Variants in CSMD3 observed in about 807,000 individuals in gnomAD.
CSMD3 encodes the protein CUB and Sushi multiple domains 3.
Under a neutral mutation model 435.2 loss-of-function variants are expected in CSMD3, and 177 were observed. That is an observed-to-expected ratio of 0.41 (90% confidence interval 0.36 to 0.46). CSMD3 has a LOEUF of 0.46. Among genes scored for constraint, CSMD3 ranks in the 20% least tolerant of loss-of-function variants. The pLI, the probability that CSMD3 is intolerant of heterozygous loss-of-function variation, is 0.34. For missense variants in CSMD3, 4,265 were observed against 4,504.6 expected, an observed-to-expected ratio of 0.95 and a Z score of 1.52; for synonymous variants, 1,656 against 1,520.5, an observed-to-expected ratio of 1.09 and a Z score of -2.07.
At chr8:112,711,710 A>G (rs2076613407) in intron 13 of CSMD3, among the ~76,000 whole-genome samples, 2 of 152,148 alleles carry the variant, frequency 1.3e-5, no homozygotes, top group Admixed American at 1.3e-4. Flanking sequence ...AAACAAAAAT[A>G]CAATTTGTAT....
intron 13 of CSMD3, among the ~76,000 whole-genome samples, chr8:112,692,229 T>C (rs1025277465): frequency 1.3e-5 from 2 of 152,092 alleles, no homozygotes; most frequent in African/African-American, 4.8e-5. Context: ...TCTTAGAACT[T>C]TTTTAGTATA....
chr8:112,639,682 A>G (rs2074765468), intron 20 of CSMD3, among the ~76,000 whole-genome samples: 1 of 152,112 alleles, frequency 6.6e-6, no homozygotes, highest in Non-Finnish European at 1.5e-5. Context: ...GGAATCATAT[A>G]TACTCTTTTG....
At chr8:112,825,493 G>A (rs1226644462) in intron 12 of CSMD3, among the ~76,000 whole-genome samples, 1 of 152,156 alleles carries the variant, frequency 6.6e-6, no homozygotes. Flanking sequence ...CTGACCCTCA[G>A]ATGGGGTTTC....
intron 1 of CSMD3, among the ~76,000 whole-genome samples, chr8:113,376,400 T>C (rs1483967409): frequency 1.3e-5 from 2 of 152,188 alleles, no homozygotes; most frequent in Admixed American, 1.3e-4. Flanking sequence ...TAGTAATTCA[T>C]ATTTTGATTC....
intron 5 of CSMD3, among the ~76,000 whole-genome samples, chr8:113,087,942 AT>A (rs1270745464): frequency 1.8e-3 from 267 of 151,752 alleles, no homozygotes; most frequent in East Asian, 0.011. Context: ...ATGGGAGAAA[AT>A]TTTCGCAACC....
At chr8:113,130,983 AG>A (rs1291659102) in intron 4 of CSMD3, among the ~76,000 whole-genome samples, 1 of 152,166 alleles carries the variant, frequency 6.6e-6, no homozygotes, top group African/African-American at 2.4e-5. Flanking sequence ...GAGATGTTTT[AG>A]GGTATCTGGA....
chr8:112,962,922 A>T (rs1351151456), intron 7 of CSMD3, among the ~76,000 whole-genome samples: 1 of 151,938 alleles, frequency 6.6e-6, no homozygotes, highest in Non-Finnish European at 1.5e-5. Flanking sequence ...TTGTTAGAAA[A>T]GCAGAATATA....
intron 13 of CSMD3, among the ~76,000 whole-genome samples, chr8:112,717,330 C>T (rs2076756204): frequency 6.6e-6 from 1 of 152,136 alleles, no homozygotes; most frequent in Non-Finnish European, 1.5e-5. Flanking sequence ...CTCAACATCA[C>T]TGCTCATTAG....
chr8:112,601,034 A>G (rs866416742), intron 22 of CSMD3, among the ~76,000 whole-genome samples: 1 of 152,100 alleles, frequency 6.6e-6, no homozygotes, highest in Non-Finnish European at 1.5e-5. Flanking sequence ...ATTCAATAAC[A>G]AGGAGGTAGG....
intron 20 of CSMD3, among the ~76,000 whole-genome samples, chr8:112,640,448 A>G (rs1215846780): frequency 1.3e-5 from 2 of 152,160 alleles, no homozygotes; most frequent in African/African-American, 2.4e-5. Context: ...GGGACAGAAA[A>G]TGAGACCAAA....
At chr8:113,012,233 A>T (rs970647983) in intron 6 of CSMD3, among the ~76,000 whole-genome samples, 5 of 151,784 alleles carry the variant, frequency 3.3e-5, no homozygotes, top group Non-Finnish European at 5.9e-5. Flanking sequence ...ATAATAATTT[A>T]AATATATTAT....
At chr8:112,893,979 T>A (rs1466528313) in intron 10 of CSMD3, among the ~76,000 whole-genome samples, 1 of 151,384 alleles carries the variant, frequency 6.6e-6, no homozygotes, top group African/African-American at 2.4e-5. Flanking sequence ...TGTTGTAACT[T>A]GATAAAATAA....
intron 4 of CSMD3, among the ~76,000 whole-genome samples, chr8:113,144,968 A>C (rs1361020879): frequency 6.6e-6 from 1 of 151,594 alleles, no homozygotes; most frequent in Non-Finnish European, 1.5e-5. Context: ...TTTATTTTAT[A>C]GAAGGTCTAT....
chr8:113,160,982 C>T (rs1014561612), intron 4 of CSMD3, among the ~76,000 whole-genome samples: 3 of 151,888 alleles, frequency 2.0e-5, no homozygotes, highest in Admixed American at 2.0e-4. Flanking sequence ...AAAGATAGTC[C>T]CAGAAGGAAT....
intron 3 of CSMD3, among the ~76,000 whole-genome samples, chr8:113,228,068 GT>G (rs1381058734): frequency 6.6e-6 from 1 of 151,270 alleles, no homozygotes; most frequent in East Asian, 1.9e-4. Context: ...ATTTTGCCTT[GT>G]TTTTTGGTAT....
chr8:113,335,323 A>G (rs950213479), intron 1 of CSMD3, among the ~76,000 whole-genome samples: 6 of 152,058 alleles, frequency 3.9e-5, no homozygotes, highest in Admixed American at 6.6e-5. Flanking sequence ...ATAGCAGTGC[A>G]AGAACAAACT....
chr8:112,451,702 C>T (rs938603905), intron 32 of CSMD3, among the ~76,000 whole-genome samples: 2 of 152,046 alleles, frequency 1.3e-5, no homozygotes, highest in African/African-American at 4.8e-5. Context: ...CCATGCCCGG[C>T]TAATTTTGTA....
chr8:113,027,809 A>G (rs1280594063), intron 5 of CSMD3, among the ~76,000 whole-genome samples: 1 of 152,024 alleles, frequency 6.6e-6, no homozygotes, highest in African/African-American at 2.4e-5. Context: ...TCCAGGATCT[A>G]TCCTTTAGAT....
At chr8:112,467,954 A>T (rs1818123208) in intron 32 of CSMD3, among the ~76,000 whole-genome samples, 1 of 152,178 alleles carries the variant, frequency 6.6e-6, no homozygotes, top group Non-Finnish European at 1.5e-5. Context: ...AATAAAATGA[A>T]GCCACTAAGC....
Sources: gnomAD v4.1 joint callset for allele counts (sites outside exome capture counted in the v4.1 genomes callset) on GRCh38, gnomAD v4.1.1 for gene constraint, MANE v1.5 for transcripts, NCBI Gene and HGNC (gene_info 2026-07-23, HGNC 2026-07-21) for gene names.